COL14A1: variants seen among roughly 807,000 people sequenced by gnomAD.
COL14A1 encodes collagen alpha-1(XIV) chain.
COL14A1 carries 136 observed loss-of-function variants against 230.3 expected under a neutral mutation model. That is an observed-to-expected ratio of 0.59 (90% CI 0.51 to 0.68). The LOEUF is 0.68. Ranked by LOEUF, COL14A1 falls within the 30% of genes least tolerant of loss-of-function variation. The probability of loss-of-function intolerance (pLI) is 0.00; values close to 1 mark genes in which losing one functional copy is unlikely to be tolerated. For missense variants in COL14A1, 1,976 were observed against 2,215.8 expected, an observed-to-expected ratio of 0.89 and a Z score of 2.17; for synonymous variants, 792 against 784.1, an observed-to-expected ratio of 1.01 and a Z score of -0.17.
intron 12 of COL14A1, among the ~76,000 whole-genome samples, chr8:120,210,771 C>T (rs769702707): frequency 2.2e-4 from 33 of 152,110 alleles, no homozygotes; most frequent in Non-Finnish European, 4.1e-4. Context: ...TAAAGCCTGT[C>T]CCTGATGATT....
In COL14A1 at chr8:120,310,028, G is replaced by C. The variant is rs768276862; in HGVS notation, c.4421G>C (p.Gly1474Ala). 1 of 1,613,706 alleles carries C rather than the reference G, an allele frequency of 6.2e-7. No individual in the cohort carries two copies. The highest frequency in any genetic ancestry group is 1.1e-5 in the South Asian group (1 of 91,028). The change falls in exon 37 of 48, where the codon GGA becomes GCA. Residue 1474 changes from glycine (G) to alanine (A), a missense_variant. Gly to Ala is a moderately conservative substitution (Grantham distance 60). Coordinates refer to ENST00000297848, the MANE Select transcript of COL14A1 (RefSeq NM_021110.4). ...TGCCAGGGTGGTCCAGGACTCCGAG[G>C]ACCAAAGGGCCAGCAAGGTGAACCG... ...AGPPGGPGLR[G>A]PKGQQGEPGP... is the part of the protein sequence containing the mutation.
intron 21 of COL14A1, among the ~76,000 whole-genome samples, chr8:120,250,180 CA>C (rs1371284811): frequency 2.6e-4 from 39 of 152,316 alleles, no homozygotes; most frequent in Non-Finnish European, 4.4e-5. Flanking sequence ...TGCTGGTTCA[CA>C]ATGTGGCAAG....
At chr8:120,250,117 T>C (rs1460237794) in intron 21 of COL14A1, among the ~76,000 whole-genome samples, 2 of 152,150 alleles carry the variant, frequency 1.3e-5, no homozygotes, top group Non-Finnish European at 2.9e-5. Flanking sequence ...GCATAATCTG[T>C]CTGGTATTAA....
At chr8:120,239,366 C>G (rs902559266) in intron 19 of COL14A1, among the ~76,000 whole-genome samples, 5 of 152,222 alleles carry the variant, frequency 3.3e-5, no homozygotes, top group African/African-American at 1.2e-4. Flanking sequence ...ATAACATTAT[C>G]ATTCCTTTGC....
chr8:120,158,323 G>A (rs1014435681), intron 3 of COL14A1, 77 bp downstream of exon 3: 1 of 831,234 alleles, frequency 1.2e-6, no homozygotes, highest in Non-Finnish European at 2.0e-6. Flanking sequence ...GTAGTGCCAA[G>A]CATTGTGTTA....
chr8:120,369,486 G>A lies in COL14A1; in HGVS notation c.5311+1G>A, dbSNP rs1190092155. 1 of 1,550,368 alleles carries A rather than the reference G, an allele frequency of 6.5e-7. No individual in the cohort carries two copies. ...TCATGTTCTGCCTATGGTGTGAGAGGTAAGTGTCACAAAAAGCCCCGCTTG... is the reference window on the plus strand; with the variant it reads ...TCATGTTCTGCCTATGGTGTGAGAGATAAGTGTCACAAAAAGCCCCGCTTG... On this transcript the variant is annotated splice_donor_variant, in intron 47 of 47. Transcript: ENST00000297848. LOFTEE classifies it high-confidence loss of function.
chr8:120,166,909 T>C (rs113944466), intron 4 of COL14A1, among the ~76,000 whole-genome samples: 11 of 149,374 alleles, frequency 7.4e-5, no homozygotes, highest in African/African-American at 2.8e-4. Context: ...TGTGTGTGTG[T>C]GTGTGTGTGT....
intron 28 of COL14A1, among the ~76,000 whole-genome samples, chr8:120,278,803 G>C (rs1819936919): frequency 6.6e-6 from 1 of 151,876 alleles, no homozygotes; most frequent in African/African-American, 2.4e-5. Context: ...TTACATACAG[G>C]ATGCCCTTTA....
At chr8:120,345,328 C>T in intron 44 of COL14A1, 47 bp from the exon 45 acceptor site, 3 of 1,510,438 alleles carry the variant, frequency 2.0e-6, no homozygotes, top group Non-Finnish European at 2.6e-6. Flanking sequence ...CCTCTCTTTC[C>T]TTGTGTGACA....
chr8:120,360,228 C>T (rs1186504872), intron 45 of COL14A1, among the ~76,000 whole-genome samples: 1 of 152,176 alleles, frequency 6.6e-6, no homozygotes, highest in Admixed American at 6.5e-5. Context: ...TGCCTTGTAG[C>T]ACCCAGAAGG....
At chr8:120,189,476 T>A (rs1002317191) in intron 5 of COL14A1, among the ~76,000 whole-genome samples, 30 of 151,706 alleles carry the variant, frequency 2.0e-4, no homozygotes, top group South Asian at 6.2e-4. Context: ...AAAATTTTTT[T>A]ATTTATTTTA....
At chr8:120,309,897 G>A in intron 36 of COL14A1, 112 bp from the exon 37 acceptor site, 1 of 992,788 alleles carries the variant, frequency 1.0e-6, no homozygotes, top group Non-Finnish European at 1.6e-6. Flanking sequence ...TACACAGTGT[G>A]TTGGCCTTTA....
At chr8:120,288,941 A>T (rs1820289218) in intron 33 of COL14A1, among the ~76,000 whole-genome samples, 1 of 152,182 alleles carries the variant, frequency 6.6e-6, no homozygotes, top group African/African-American at 2.4e-5. Flanking sequence ...GTTCATCTAG[A>T]ATATACCTAA....
chr8:120,332,629 C>T (rs752231736), intron 41 of COL14A1, 35 bp from the exon 42 acceptor site: 1 of 1,577,090 alleles, frequency 6.3e-7, no homozygotes, highest in Non-Finnish European at 8.7e-7. Flanking sequence ...ATGTGTGATT[C>T]CTGACTTTGT....
intron 45 of COL14A1, among the ~76,000 whole-genome samples, chr8:120,363,581 G>A (rs910715814): frequency 2.6e-5 from 4 of 152,162 alleles, no homozygotes; most frequent in African/African-American, 9.7e-5. Context: ...GAACTTAAAA[G>A]TAAAATAAAT....
chr8:120,251,914 T>C (rs896381668), intron 22 of COL14A1, among the ~76,000 whole-genome samples: 4 of 152,102 alleles, frequency 2.6e-5, no homozygotes, highest in Admixed American at 1.3e-4. Flanking sequence ...CTACTCTTTT[T>C]CTATCTATTT....
rs118029141 is a variant in COL14A1, at chr8:120,163,025, G to A, written c.349+456G>A. Among the ~76,000 whole-genome samples the A allele has an allele frequency of 1.2e-4, 18 of 152,230 alleles. No individual in the cohort carries two copies. In the East Asian group the frequency reaches 3.5e-3, roughly 29 times the overall value. ...ATTACAGGCCTGGCATATAATGGGC[G>A]CTCCATGAATATGAATGTCTGAATG... On this transcript the variant is annotated intron_variant, in intron 4 of 47. Coordinates refer to ENST00000297848, the MANE Select transcript of COL14A1 (RefSeq NM_021110.4).
intron 38 of COL14A1, 140 bp from the exon 39 acceptor site, chr8:120,315,393 A>C: frequency 3.3e-6 from 1 of 299,442 alleles, no homozygotes; most frequent in Non-Finnish European, 5.9e-6. Context: ...AAAAAAAAAA[A>C]GTGTATATAT....
chr8:120,190,427 T>C (rs34570009), intron 5 of COL14A1, among the ~76,000 whole-genome samples: 51,462 of 151,714 alleles, frequency 0.34, 9,450 homozygotes, highest in Admixed American at 0.48. Context: ...TTCTCCCATT[T>C]TGTAGGTTGC....
Sources: allele counts gnomAD v4.1 joint callset (sites outside exome capture counted in the v4.1 genomes callset), GRCh38; gene constraint gnomAD v4.1.1; transcripts MANE v1.5; gene names NCBI Gene and HGNC (gene_info 2026-07-23, HGNC 2026-07-21).